Variants in LRP1B observed in about 807,000 individuals in gnomAD.
LRP1B encodes LDL receptor related protein 1B.
Under a neutral mutation model 556.6 loss-of-function variants are expected in LRP1B, and 217 were observed. The ratio of observed to expected loss-of-function variants is 0.39; its 90% confidence interval spans 0.35 to 0.44. The LOEUF (loss-of-function observed/expected upper bound fraction) is 0.44, where lower values mean the gene tolerates loss of function less well. Among genes scored for constraint, LRP1B ranks in the 20% least tolerant of loss-of-function variants. LRP1B has a pLI of 1.00. For synonymous variants in LRP1B, 2,047 were observed against 1,865.8 expected, an observed-to-expected ratio of 1.10 and a Z score of -2.50; for missense variants, 5,053 against 5,620.8, an observed-to-expected ratio of 0.90 and a Z score of 3.23.
At chr2:140,513,019 A>G (rs1459815181) in intron 51 of LRP1B, among the ~76,000 whole-genome samples, 1 of 152,120 alleles carries the variant, frequency 6.6e-6, no homozygotes, top group African/African-American at 2.4e-5. Flanking sequence ...TTTTCTTATT[A>G]GTCTTTAATA....
At chr2:140,694,262 G>A (rs1418838782) in intron 41 of LRP1B, among the ~76,000 whole-genome samples, 2 of 151,922 alleles carry the variant, frequency 1.3e-5, no homozygotes, top group Admixed American at 6.6e-5. Flanking sequence ...AGTTCCTTAC[G>A]CCATTACTTT....
intron 1 of LRP1B, among the ~76,000 whole-genome samples, chr2:142,065,520 G>A (rs1249679189): frequency 6.6e-6 from 1 of 150,852 alleles, no homozygotes; most frequent in Admixed American, 6.6e-5. Flanking sequence ...TAATTATTTT[G>A]GGCTTACCCT....
chr2:140,428,848 T>A (rs539885103), intron 66 of LRP1B, among the ~76,000 whole-genome samples: 2 of 152,128 alleles, frequency 1.3e-5, no homozygotes, highest in South Asian at 2.1e-4. Context: ...AGACAATACT[T>A]TTTTAAGCAC....
intron 41 of LRP1B, among the ~76,000 whole-genome samples, chr2:140,676,175 A>C (rs1182424404): frequency 1.3e-5 from 2 of 152,180 alleles, no homozygotes; most frequent in Non-Finnish European, 2.9e-5. Context: ...CAAGTATAAA[A>C]AATTTTCTTG....
chr2:140,546,914 TG>T (rs1435935867), intron 43 of LRP1B, among the ~76,000 whole-genome samples: 2 of 152,092 alleles, frequency 1.3e-5, no homozygotes, highest in Non-Finnish European at 2.9e-5. Context: ...GATAATCATG[TG>T]TTTTTTTTGT....
At position 142,130,886 on chromosome 2, in the gene LRP1B, T is replaced by C. The variant is rs1193177675; in HGVS notation, c.-157A>G. The C allele has an allele frequency of 1.2e-5, 8 of 689,790 alleles. No individual in the cohort carries two copies. Among genetic ancestry groups the C allele is most frequent in the Non-Finnish European group, 2.1e-5 (8 of 382,074 alleles). 42.7% of individuals were successfully genotyped at this position (689,790 alleles called of 1,614,324 possible). A position where few individuals can be genotyped will look rare whatever the true frequency, so the allele number is the denominator to read the frequency against. ...TCTTCAGCTCAATGAGTCCAGCCAGTCAGCCTTCTCCTGCCTGGAGCAGGA... is the reference window on the plus strand; with the variant it reads ...TCTTCAGCTCAATGAGTCCAGCCAGCCAGCCTTCTCCTGCCTGGAGCAGGA... On this transcript the variant is annotated 5_prime_UTR_variant, in exon 1 of 91. Transcript: ENST00000389484.
intron 2 of LRP1B, among the ~76,000 whole-genome samples, chr2:141,559,283 A>T (rs1347374714): frequency 6.6e-6 from 1 of 151,746 alleles, no homozygotes; most frequent in Non-Finnish European, 1.5e-5. Context: ...TACTAGTTCT[A>T]TCAAAGGTCT....
chr2:140,872,597 G>A (rs978120160), intron 25 of LRP1B, among the ~76,000 whole-genome samples: 35 of 151,720 alleles, frequency 2.3e-4, no homozygotes, highest in African/African-American at 7.5e-4. Context: ...AAGATAGATA[G>A]TCTCTATCTA....
intron 35 of LRP1B, 103 bp downstream of exon 35, chr2:140,769,109 CT>C: frequency 9.6e-7 from 1 of 1,036,980 alleles, no homozygotes; most frequent in Admixed American, 2.5e-5. Context: ...TTTCTTATTT[CT>C]CATCTTGACT....
intron 46 of LRP1B, among the ~76,000 whole-genome samples, chr2:140,535,865 G>A (rs1285723168): frequency 1.3e-5 from 2 of 152,116 alleles, no homozygotes; most frequent in African/African-American, 2.4e-5. Flanking sequence ...AGCATAGCTG[G>A]TGCAATTCTA....
chr2:141,463,706 G>A (rs528178041), intron 3 of LRP1B, among the ~76,000 whole-genome samples: 89 of 138,180 alleles, frequency 6.4e-4, no homozygotes, highest in African/African-American at 1.8e-3. Flanking sequence ...ACAATAATGA[G>A]AACCCCCTAT....
chr2:141,048,936 A>C lies in LRP1B; in HGVS notation c.1789+50T>G, dbSNP rs115635053. 841 of 1,367,502 alleles carry C rather than the reference A, an allele frequency of 6.1e-4. 3 individuals are homozygous for C. In the African/African-American group the frequency reaches 0.011, roughly 18 times the overall value. 84.7% of individuals were successfully genotyped at this position (1,367,502 alleles called of 1,614,324 possible). A position where few individuals can be genotyped will look rare whatever the true frequency, so the allele number is the denominator to read the frequency against. ...GACACACACTGGATTTATCCTTTTAAAGTGCTTCATCTCTGGGTAGTTTGA... is the reference window on the plus strand; with the variant it reads ...GACACACACTGGATTTATCCTTTTACAGTGCTTCATCTCTGGGTAGTTTGA... On this transcript the variant is annotated intron_variant, in intron 11 of 90. Coordinates refer to ENST00000389484, the MANE Select transcript of LRP1B (RefSeq NM_018557.3).
chr2:142,050,064 T>C (rs923178266), intron 1 of LRP1B, among the ~76,000 whole-genome samples: 3 of 152,176 alleles, frequency 2.0e-5, no homozygotes, highest in African/African-American at 7.2e-5. Flanking sequence ...TTCAAATTAG[T>C]TGCTTGAATA....
intron 18 of LRP1B, among the ~76,000 whole-genome samples, chr2:140,957,810 A>G (rs2105310728): frequency 6.6e-6 from 1 of 151,616 alleles, no homozygotes; most frequent in South Asian, 2.1e-4. Flanking sequence ...TCTACAAAAG[A>G]TGCCAACATA....
intron 2 of LRP1B, among the ~76,000 whole-genome samples, chr2:141,785,490 T>A (rs766280605): frequency 6.6e-6 from 1 of 151,684 alleles, no homozygotes; most frequent in South Asian, 2.1e-4. Context: ...GGTGACTCTT[T>A]TCCATGTGTC....
At chr2:141,406,384 T>A (rs535848626) in intron 3 of LRP1B, among the ~76,000 whole-genome samples, 1 of 152,134 alleles carries the variant, frequency 6.6e-6, no homozygotes, top group Non-Finnish European at 1.5e-5. Flanking sequence ...TGGGATAACA[T>A]AAACTGGGCC....
intron 35 of LRP1B, among the ~76,000 whole-genome samples, chr2:140,744,665 C>T (rs913019395): frequency 4.6e-5 from 7 of 152,182 alleles, no homozygotes; most frequent in Non-Finnish European, 8.8e-5. Flanking sequence ...CTACAATTCA[C>T]TTCTTAGAGA....
At chr2:141,989,796 C>T (rs1180497897) in intron 1 of LRP1B, among the ~76,000 whole-genome samples, 1 of 152,052 alleles carries the variant, frequency 6.6e-6, no homozygotes, top group Non-Finnish European at 1.5e-5. Context: ...GAGGCCTCCC[C>T]AGCCATGGGG....
chr2:141,381,830 G>C (rs4592789), intron 3 of LRP1B, among the ~76,000 whole-genome samples: 10,837 of 152,136 alleles, frequency 0.071, 510 homozygotes, highest in African/African-American at 0.13. Flanking sequence ...TAGACATCAG[G>C]AAGATGGCTG....
Sources: allele counts gnomAD v4.1 joint callset (sites outside exome capture counted in the v4.1 genomes callset), GRCh38; gene constraint gnomAD v4.1.1; transcripts MANE v1.5; gene names NCBI Gene and HGNC (gene_info 2026-07-23, HGNC 2026-07-21).